TNS3: variants seen among roughly 807,000 people sequenced by gnomAD.
TNS3 encodes the protein tensin-3.
Under a neutral mutation model 140.9 loss-of-function variants are expected in TNS3, and 45 were observed. The ratio of observed to expected loss-of-function variants is 0.32; its 90% CI spans 0.25 to 0.41. The LOEUF (loss-of-function observed/expected upper bound fraction) is 0.41, where lower values mean the gene tolerates loss of function less well. TNS3 is among the 10% of genes least tolerant of loss of function. The pLI is 1.00. For missense variants in TNS3, 1,716 were observed against 1,906.7 expected (o/e 0.90, Z 1.86); for synonymous variants, 815 against 788.4 (o/e 1.03, Z -0.56).
chr7:47,357,334 G>T (rs1364174948), intron 17 of TNS3, among the ~76,000 whole-genome samples: 1 of 152,144 alleles, frequency 6.6e-6, no homozygotes, highest in Non-Finnish European at 1.5e-5. Context: ...CAAATAACAG[G>T]CAAAGACTGC....
chr7:47,539,178 C>T (rs1282989052), intron 1 of TNS3: 1 of 455,228 alleles, frequency 2.2e-6, no homozygotes, highest in East Asian at 6.9e-5. Context: ...GATTCATACT[C>T]TCTGGGGTCC....
chr7:47,470,904 C>T (rs1188521327), intron 4 of TNS3, among the ~76,000 whole-genome samples: 2 of 151,916 alleles, frequency 1.3e-5, no homozygotes, highest in Admixed American at 6.6e-5. Context: ...AAAGGGAGAG[C>T]GCCTGCTTGT....
At chr7:47,425,485 AGTGTG>A in intron 9 of TNS3, among the ~76,000 whole-genome samples, 1 of 152,286 alleles carries the variant, frequency 6.6e-6, no homozygotes, top group Admixed American at 6.5e-5. Flanking sequence ...AAGTAAGTTG[AGTGTG>A]ATTTGACTTT....
At chr7:47,318,561 C>A (rs1443780686) in intron 20 of TNS3, among the ~76,000 whole-genome samples, 1 of 152,082 alleles carries the variant, frequency 6.6e-6, no homozygotes, top group Non-Finnish European at 1.5e-5. Context: ...CAAAGCAGCA[C>A]CAGAAAAGAA....
At chr7:47,297,248 C>A in intron 23 of TNS3, 35 bp from the exon 24 acceptor site, 1 of 1,588,134 alleles carries the variant, frequency 6.3e-7, no homozygotes. Flanking sequence ...AGAAGGTCTG[C>A]CGGGTGGACA....
chr7:47,497,407 G>A (rs1258394381), intron 3 of TNS3, among the ~76,000 whole-genome samples: 2 of 152,132 alleles, frequency 1.3e-5, no homozygotes, highest in East Asian at 1.9e-4. Flanking sequence ...TCAGTTCTCC[G>A]CAGTCCTCTT....
At chr7:47,532,001 G>A (rs1390885820) in intron 1 of TNS3, among the ~76,000 whole-genome samples, 2 of 152,182 alleles carry the variant, frequency 1.3e-5, no homozygotes, top group African/African-American at 4.8e-5. Flanking sequence ...GGCAGCTGCA[G>A]CCACCCTCCC....
intron 20 of TNS3, among the ~76,000 whole-genome samples, chr7:47,316,094 T>TCTCTC (rs1787382001): frequency 1.9e-5 from 2 of 105,784 alleles, no homozygotes; most frequent in Non-Finnish European, 3.9e-5. Flanking sequence ...AACTAACTAT[T>TCTCTC]TCTCTCTCTC....
intron 20 of TNS3, among the ~76,000 whole-genome samples, chr7:47,325,567 C>T (rs764311190): frequency 8.5e-5 from 13 of 152,156 alleles, no homozygotes; most frequent in Admixed American, 5.2e-4. Flanking sequence ...AGCAATGGGA[C>T]GGAGCAAGAA....
intron 27 of TNS3, among the ~76,000 whole-genome samples, chr7:47,290,751 A>G (rs1785649811): frequency 6.6e-6 from 1 of 152,232 alleles, no homozygotes; most frequent in South Asian, 2.1e-4. Flanking sequence ...AAAATGGGAC[A>G]GCCACATTGG....
At chr7:47,554,918 C>T (rs775050954) in intron 1 of TNS3, among the ~76,000 whole-genome samples, 1 of 151,874 alleles carries the variant, frequency 6.6e-6, no homozygotes, top group Non-Finnish European at 1.5e-5. Context: ...ATCCCAGCTA[C>T]TCAGGAGGCG....
chr7:47,483,501 C>T (rs1192542917), intron 3 of TNS3, among the ~76,000 whole-genome samples: 2 of 152,214 alleles, frequency 1.3e-5, no homozygotes, highest in Non-Finnish European at 2.9e-5. Context: ...ATCTAAAACT[C>T]TCTTAAAAAT....
intron 20 of TNS3, among the ~76,000 whole-genome samples, chr7:47,314,459 G>A (rs944988004): frequency 6.6e-6 from 1 of 152,176 alleles, no homozygotes; most frequent in African/African-American, 2.4e-5. Flanking sequence ...CGGCAGGGCT[G>A]GGGGAGGTGC....
chr7:47,453,222 G>A (rs1796102243), intron 4 of TNS3: 1 of 985,254 alleles, frequency 1.0e-6, no homozygotes, highest in African/African-American at 1.7e-5. Flanking sequence ...CCGGGGCTGA[G>A]GGCCAGCCTG....
intron 22 of TNS3, 83 bp downstream of exon 22, chr7:47,302,867 C>T: frequency 1.4e-5 from 21 of 1,501,168 alleles, no homozygotes; most frequent in Non-Finnish European, 1.9e-5. Flanking sequence ...TAGAGATATG[C>T]CAGCTCAGCT....
intron 1 of TNS3, among the ~76,000 whole-genome samples, chr7:47,573,866 C>T (rs538524165): frequency 2.6e-4 from 40 of 152,320 alleles, no homozygotes; most frequent in African/African-American, 9.1e-4. Context: ...GAGGGGAAAA[C>T]GACAGCCTGC....
chr7:47,285,951 C>T (rs1049460139), intron 27 of TNS3, among the ~76,000 whole-genome samples: 1 of 152,144 alleles, frequency 6.6e-6, no homozygotes, highest in Middle Eastern at 3.2e-3. Flanking sequence ...ATAAAAACCA[C>T]GTCTGCTATG....
chr7:47,570,206 T>C (rs910658499), intron 1 of TNS3, among the ~76,000 whole-genome samples: 1 of 152,230 alleles, frequency 6.6e-6, no homozygotes, highest in Non-Finnish European at 1.5e-5. Flanking sequence ...ACAGTGCTGG[T>C]GGCTCTGCAT....
chr7:47,460,343 A>G (rs1266207058), intron 4 of TNS3, among the ~76,000 whole-genome samples: 1 of 152,076 alleles, frequency 6.6e-6, no homozygotes, highest in Non-Finnish European at 1.5e-5. Flanking sequence ...GGAGAATCCA[A>G]CCCTGCAGAC....
Sources: allele counts gnomAD v4.1 joint callset (sites outside exome capture counted in the v4.1 genomes callset), GRCh38; gene constraint gnomAD v4.1.1; transcripts MANE v1.5; gene names NCBI Gene and HGNC (gene_info 2026-07-23, HGNC 2026-07-21).